The following C12orf42 variants were observed in gnomAD, a reference collection of about 807,000 sequenced individuals.
C12orf42 encodes the protein chromosome 12 open reading frame 42.
C12orf42 carries 25 observed loss-of-function variants against 21.6 expected under a neutral mutation model. The ratio of observed to expected loss-of-function variants is 1.16; its 90% CI spans 0.84 to 1.62. The LOEUF is 1.62. Among genes scored for constraint, C12orf42 ranks in the 40% most tolerant of loss-of-function variants. C12orf42 has a pLI of 0.00. For synonymous variants in C12orf42, 174 were observed against 175.0 expected, an observed-to-expected ratio of 0.99 and a Z score of 0.05; for missense variants, 483 against 459.3, an observed-to-expected ratio of 1.05 and a Z score of -0.47.
At chr12:103,272,199 A>T (rs906257301) in intron 5 of C12orf42, among the ~76,000 whole-genome samples, 2 of 152,018 alleles carry the variant, frequency 1.3e-5, no homozygotes, top group African/African-American at 4.8e-5. Flanking sequence ...AGAGGAACAC[A>T]CTCTCCTGGG....
intron 4 of C12orf42, among the ~76,000 whole-genome samples, chr12:103,333,735 A>G (rs929978765): frequency 6.7e-6 from 1 of 148,420 alleles, no homozygotes; most frequent in Non-Finnish European, 1.5e-5. Flanking sequence ...GTAAAAAGAT[A>G]AAAAAAAAAA....
chr12:103,371,974 A>AAGCCCATG (rs2137975996), intron 3 of C12orf42, among the ~76,000 whole-genome samples: 2 of 152,272 alleles, frequency 1.3e-5, no homozygotes, highest in South Asian at 4.1e-4. Flanking sequence ...TCTTACTCTG[A>AAGCCCATG]AGCCCATGTT....
chr12:103,348,192 A>C (rs180773774), intron 4 of C12orf42, among the ~76,000 whole-genome samples: 1 of 152,306 alleles, frequency 6.6e-6, no homozygotes, highest in Admixed American at 6.5e-5. Flanking sequence ...TAAGAAAGAG[A>C]TAAGAATGAC....
the C12orf42 span, among the ~76,000 whole-genome samples, chr12:103,538,457 C>G: frequency 6.6e-6 from 1 of 152,214 alleles, no homozygotes; most frequent in Non-Finnish European, 1.5e-5. Context: ...CTACAACTCT[C>G]AGAGTCCCTT....
chr12:103,477,692 TC>T (rs756121226), intron 2 of C12orf42, among the ~76,000 whole-genome samples: 17 of 152,122 alleles, frequency 1.1e-4, no homozygotes, highest in Non-Finnish European at 1.9e-4. Flanking sequence ...GTCAAGGAAT[TC>T]AGACAGCCTT....
chr12:103,432,742 G>A (rs1221360438), intron 2 of C12orf42, among the ~76,000 whole-genome samples: 1 of 152,126 alleles, frequency 6.6e-6, no homozygotes, highest in African/African-American at 2.4e-5. Context: ...CAATATGCCT[G>A]GCATCCTCGT....
chr12:103,293,997 A>C (rs1306371880), intron 4 of C12orf42, among the ~76,000 whole-genome samples: 1 of 152,190 alleles, frequency 6.6e-6, no homozygotes. Context: ...TCTCCAGTAC[A>C]ACACATTCAG....
chr12:103,302,235 G>C lies in C12orf42; in HGVS notation c.956C>G (p.Ser319Cys). Residue 319 changes from serine to cysteine, a missense_variant, in exon 6 of 6, where the codon TCC becomes TGC. Ser to Cys is a moderately radical substitution (Grantham distance 112). Coordinates refer to ENST00000548883, the MANE Select transcript of C12orf42 (RefSeq NM_198521.5). The stretch of plus-strand genomic sequence containing the variant: ...TAACCTCTTGGAGGGGAAATGGGTG[G>C]AAGCACCGGCCAGCAGAGGAAGGGG... ...GAPLPLLAGA[S>C]THFPSKRLIK... The C allele has an allele frequency of 6.2e-7, 1 of 1,612,180 alleles. No homozygotes were observed. The highest frequency in any genetic ancestry group is 8.5e-7 in the Non-Finnish European group (1 of 1,179,158).
the C12orf42 span, among the ~76,000 whole-genome samples, chr12:103,144,672 T>A: frequency 6.6e-6 from 1 of 152,200 alleles, no homozygotes; most frequent in Non-Finnish European, 1.5e-5. Flanking sequence ...TTTTTATGGG[T>A]GATATAATCT....
chr12:103,521,815 C>G, the C12orf42 span, among the ~76,000 whole-genome samples: 6 of 152,238 alleles, frequency 3.9e-5, no homozygotes, highest in African/African-American at 1.4e-4. Context: ...CCCTCTCCCA[C>G]TCAGTGGAGC....
At chr12:103,164,608 A>C in the C12orf42 span, 7 of 421,118 alleles carry the variant, frequency 1.7e-5, no homozygotes, top group Non-Finnish European at 3.3e-5. Flanking sequence ...TAGTATATCA[A>C]TATTTTCCAT....
the C12orf42 span, chr12:103,549,419 G>A: frequency 6.6e-6 from 1 of 152,170 alleles, no homozygotes; most frequent in Non-Finnish European, 1.5e-5. Flanking sequence ...GCAACCCACA[G>A]AGTTTGTTCA....
chr12:103,057,769 A>T, the C12orf42 span, among the ~76,000 whole-genome samples: 2 of 152,138 alleles, frequency 1.3e-5, no homozygotes, highest in East Asian at 3.9e-4. Flanking sequence ...TCCTTGAGGA[A>T]TCACCACACC....
At chr12:103,300,632 T>A (rs906919132), downstream of C12orf42, among the ~76,000 whole-genome samples, 4 of 152,210 alleles carry the variant, frequency 2.6e-5, no homozygotes, top group African/African-American at 9.7e-5. Context: ...TAAAATAACT[T>A]AAAGTAATGA....
At chr12:103,324,299 G>A (rs914381628) in intron 4 of C12orf42, among the ~76,000 whole-genome samples, 5 of 152,070 alleles carry the variant, frequency 3.3e-5, no homozygotes, top group East Asian at 1.9e-4. Context: ...AGTAGAAGAA[G>A]AGATAATAAC....
At chr12:103,162,148 G>T in the C12orf42 span, among the ~76,000 whole-genome samples, 1 of 152,184 alleles carries the variant, frequency 6.6e-6, no homozygotes, top group Non-Finnish European at 1.5e-5. Flanking sequence ...AAAATGTGAA[G>T]ATCCAGCATG....
the C12orf42 span, among the ~76,000 whole-genome samples, chr12:103,128,528 C>G: frequency 6.6e-6 from 1 of 152,210 alleles, no homozygotes; most frequent in Admixed American, 6.5e-5. Context: ...ACTTGCCAAG[C>G]ACTGTTCTAA....
At chr12:103,308,307 G>A (rs932357354) in intron 4 of C12orf42, among the ~76,000 whole-genome samples, 1 of 152,078 alleles carries the variant, frequency 6.6e-6, no homozygotes, top group Non-Finnish European at 1.5e-5. Context: ...TTTTTAAGAG[G>A]CAAAGAATAA....
At chr12:103,150,884 T>G in the C12orf42 span, among the ~76,000 whole-genome samples, 1 of 152,216 alleles carries the variant, frequency 6.6e-6, no homozygotes, top group Non-Finnish European at 1.5e-5. Context: ...TCTCATAGAT[T>G]ACAGCCTTAA....
Sources: allele counts gnomAD v4.1 joint callset (sites outside exome capture counted in the v4.1 genomes callset), GRCh38; gene constraint gnomAD v4.1.1; transcripts MANE v1.5; gene names NCBI Gene and HGNC (gene_info 2026-07-23, HGNC 2026-07-21).